Variants in RBM33 observed in about 807,000 individuals in gnomAD.
The protein encoded by RBM33 is RNA-binding protein 33.
Under a neutral mutation model 132.6 loss-of-function variants are expected in RBM33, and 28 were observed. The ratio of observed to expected loss-of-function variants is 0.21; its 90% CI spans 0.16 to 0.29. The LOEUF (loss-of-function observed/expected upper bound fraction) is 0.29. Among genes scored for constraint, RBM33 ranks in the 10% least tolerant of loss-of-function variants. The pLI is 1.00. For missense variants in RBM33, 1,291 were observed against 1,518.5 expected (o/e 0.85, Z 2.49); for synonymous variants, 634 against 593.0 (o/e 1.07, Z -1.01).
At chr7:155,748,580 A>G (rs1801594123) in intron 14 of RBM33, among the ~76,000 whole-genome samples, 1 of 152,222 alleles carries the variant, frequency 6.6e-6, no homozygotes, top group Admixed American at 6.5e-5. Context: ...TATTTTCCAT[A>G]TGTCATTACT....
chr7:155,709,740 C>T (rs1800223476), intron 7 of RBM33, among the ~76,000 whole-genome samples: 3 of 152,130 alleles, frequency 2.0e-5, no homozygotes, highest in Non-Finnish European at 4.4e-5. Context: ...TAGACAAGAT[C>T]CCTACTCTCA....
chr7:155,664,345 C>A (rs561935711), intron 1 of RBM33, among the ~76,000 whole-genome samples: 2 of 151,868 alleles, frequency 1.3e-5, no homozygotes, highest in African/African-American at 4.8e-5. Flanking sequence ...TTTTGCCTCC[C>A]GGTTCAAGCG....
At chr7:155,669,209 TC>T (rs1486660085) in intron 2 of RBM33, among the ~76,000 whole-genome samples, 1 of 152,210 alleles carries the variant, frequency 6.6e-6, no homozygotes, top group Non-Finnish European at 1.5e-5. Flanking sequence ...TATGGTAAGT[TC>T]TTCTGCCATG....
intron 9 of RBM33, among the ~76,000 whole-genome samples, chr7:155,722,986 T>C (rs1340758859): frequency 6.6e-6 from 1 of 152,244 alleles, no homozygotes; most frequent in Admixed American, 6.5e-5. Context: ...TACTTTTAAG[T>C]TTGAATGCAT....
chr7:155,769,359 G>A (rs1009669800), intron 16 of RBM33, among the ~76,000 whole-genome samples: 4 of 152,174 alleles, frequency 2.6e-5, no homozygotes, highest in African/African-American at 9.7e-5. Context: ...GGGAGTGGGC[G>A]CACAGCCTCC....
chr7:155,732,911 G>C (rs894575833), intron 9 of RBM33, among the ~76,000 whole-genome samples: 1 of 152,206 alleles, frequency 6.6e-6, no homozygotes, highest in African/African-American at 2.4e-5. Flanking sequence ...AAAGCTTTTA[G>C]TGATTCCAGT....
chr7:155,768,478 T>G (rs758335106), intron 16 of RBM33, among the ~76,000 whole-genome samples: 1 of 152,324 alleles, frequency 6.6e-6, no homozygotes, highest in Middle Eastern at 3.4e-3. Flanking sequence ...TTTGGAATAG[T>G]GTCGAGTCTC....
chr7:155,670,164 C>T (rs1004591740), intron 2 of RBM33, among the ~76,000 whole-genome samples: 2 of 152,198 alleles, frequency 1.3e-5, no homozygotes, highest in Non-Finnish European at 2.9e-5. Flanking sequence ...TCAAAGAGCT[C>T]ATTGTCTGTA....
At chr7:155,683,152 C>A (rs1444428803) in intron 5 of RBM33, among the ~76,000 whole-genome samples, 3 of 152,164 alleles carry the variant, frequency 2.0e-5, no homozygotes, top group Non-Finnish European at 4.4e-5. Flanking sequence ...CGTGGTCATT[C>A]TTTTCTTGCT....
At chr7:155,757,129 T>G (rs1426751732) in intron 14 of RBM33, among the ~76,000 whole-genome samples, 2 of 147,590 alleles carry the variant, frequency 1.4e-5, no homozygotes, top group African/African-American at 2.6e-5. Context: ...AATTTGAATG[T>G]GATCAACAGA....
intron 1 of RBM33, among the ~76,000 whole-genome samples, chr7:155,659,608 A>G (rs951813481): frequency 2.0e-5 from 3 of 152,194 alleles, no homozygotes; most frequent in African/African-American, 7.2e-5. Context: ...GACACCACCA[A>G]GTGTACTTAT....
intron 1 of RBM33, 165 bp downstream of exon 1, chr7:155,645,084 A>G (rs763946411): frequency 2.9e-5 from 15 of 523,118 alleles, no homozygotes; most frequent in Non-Finnish European, 4.3e-5. Context: ...CGCTATTGTC[A>G]TTCTCCCTTT....
At chr7:155,646,743 C>G (rs141380827) in intron 1 of RBM33, among the ~76,000 whole-genome samples, 2,615 of 152,278 alleles carry the variant, frequency 0.017, 28 homozygotes, top group Non-Finnish European at 0.026. Flanking sequence ...TTCTTCAGAA[C>G]GTTTATCTTA....
intron 1 of RBM33, among the ~76,000 whole-genome samples, chr7:155,661,090 TGTGTGTG>T (rs1190188184): frequency 2.8e-5 from 4 of 141,834 alleles, no homozygotes; most frequent in African/African-American, 1.1e-4. Flanking sequence ...TTTCTGTGTG[TGTGTGTG>T]GTGTGTGTGT....
At chr7:155,755,589 G>T (rs1055053467) in intron 14 of RBM33, among the ~76,000 whole-genome samples, 4 of 152,332 alleles carry the variant, frequency 2.6e-5, no homozygotes, top group African/African-American at 9.6e-5. Flanking sequence ...ATGCTGCTTA[G>T]CGTCTGATAG....
At chr7:155,755,070 T>C (rs1432122673) in intron 14 of RBM33, among the ~76,000 whole-genome samples, 1 of 152,268 alleles carries the variant, frequency 6.6e-6, no homozygotes, top group Non-Finnish European at 1.5e-5. Flanking sequence ...TAAATGTATT[T>C]ATATTTAGAA....
At chr7:155,715,632 C>T (rs988114199) in intron 8 of RBM33, among the ~76,000 whole-genome samples, 2 of 152,166 alleles carry the variant, frequency 1.3e-5, no homozygotes, top group East Asian at 1.9e-4. Flanking sequence ...GCTTTAGTGC[C>T]GCATGTCCCT....
chr7:155,673,680 A>C (rs1372070519), intron 3 of RBM33, among the ~76,000 whole-genome samples: 1 of 130,442 alleles, frequency 7.7e-6, no homozygotes, highest in African/African-American at 3.5e-5. Flanking sequence ...ACACACGTGT[A>C]TATATATACA....
rs986581097 is a variant in RBM33 at position 155,690,546 on chromosome 7, C to T, written c.567+9638C>T. 1.3e-4 allele frequency among the ~76,000 whole-genome samples: 20 copies of T among 152,150 alleles called. 1 individual carries two copies. The highest frequency in any genetic ancestry group is 4.1e-4 in the African/African-American group (17 of 41,432). ...TGGTTATTTTGCTCGTTATTTGATG[C>T]AGTTTCTTCCTAGTATCGATGGTCT... On this transcript the variant is annotated intron_variant, in intron 5 of 17. Coordinates refer to ENST00000401878, the MANE Select transcript of RBM33 (RefSeq NM_053043.3).
Sources: gnomAD v4.1 joint callset for allele counts (sites outside exome capture counted in the v4.1 genomes callset) on GRCh38, gnomAD v4.1.1 for gene constraint, MANE v1.5 for transcripts, NCBI Gene and HGNC (gene_info 2026-07-23, HGNC 2026-07-21) for gene names.